Variants in DNAH2 observed in about 807,000 individuals in gnomAD.
The protein encoded by DNAH2 is dynein axonemal heavy chain 2, also known as axonemal beta dynein heavy chain 2.
Under a neutral mutation model 523.5 loss-of-function variants are expected in DNAH2, and 323 were observed. The ratio of observed to expected loss-of-function variants is 0.62; its 90% CI spans 0.56 to 0.68. The LOEUF is 0.68. Among genes scored for constraint, DNAH2 ranks in the 30% least tolerant of loss-of-function variants. DNAH2 has a pLI of 0.00. For missense variants in DNAH2, 4,907 were observed against 5,701.5 expected (o/e 0.86, Z 4.49); for synonymous variants, 2,093 against 2,177.4 (o/e 0.96, Z 1.08).
intron 69 of DNAH2, 82 bp from the exon 70 acceptor site, chr17:7,818,561 G>A (rs967412156): frequency 4.2e-5 from 68 of 1,602,120 alleles, no homozygotes; most frequent in Non-Finnish European, 5.2e-5. Context: ...TGAGGATGAG[G>A]GGTCTTTCAA....
intron 42 of DNAH2, chr17:7,787,363 CT>C: frequency 7.3e-6 from 3 of 411,024 alleles, no homozygotes; most frequent in Non-Finnish European, 1.3e-5. Context: ...CAAGCACACC[CT>C]TTTCCACCCA....
chr17:7,730,515 A>G (rs1318044023), intron 4 of DNAH2, among the ~76,000 whole-genome samples: 1 of 152,218 alleles, frequency 6.6e-6, no homozygotes, highest in East Asian at 1.9e-4. Context: ...ATTCCACAAA[A>G]TTTGTTGCAC....
intron 63 of DNAH2, among the ~76,000 whole-genome samples, chr17:7,814,478 C>T (rs899247512): frequency 6.6e-6 from 1 of 152,144 alleles, no homozygotes; most frequent in Non-Finnish European, 1.5e-5. Context: ...AAATTTAAAG[C>T]TCCAACGAGA....
At chr17:7,813,195 A>AT (rs2077567561) in intron 63 of DNAH2, among the ~76,000 whole-genome samples, 1 of 152,094 alleles carries the variant, frequency 6.6e-6, no homozygotes, top group Admixed American at 6.6e-5. Flanking sequence ...GGAACGAGAA[A>AT]TAGCAGTGTG....
rs766700490 is a variant in DNAH2, at chr17:7,798,285, G to A, written c.8359G>A (p.Glu2787Lys). 25 of 1,613,552 alleles carry A rather than the reference G, an allele frequency of 1.5e-5. No homozygotes were observed. The highest frequency in any genetic ancestry group is 1.9e-5 in the Non-Finnish European group (22 of 1,179,548). ...SICDYTTFQI[E>K]VTKHYRKQEF... ...CTGCGACTACACCACCTTCCAGATC[G>A]AGGTCACCAAACATTATCGGAAGCA... is the stretch of plus-strand genomic sequence containing the variant. The change falls in exon 54 of 86, where the codon GAG becomes AAG. Residue 2787 changes from glutamate (E) to lysine (K), a missense_variant. This residue lies in a region of DNAH2 where 1,851 missense variants were observed against 2,139.4 expected (regional missense o/e 0.87). Transcript: ENST00000572933. This position sits in a 1 kb window ranked among gnomAD's most constrained non-coding sequence, Gnocchi z 5.5.
In DNAH2 at chr17:7,783,369, G is replaced by A. The variant is rs544491851; in HGVS notation, c.6129+2202G>A. On this transcript the variant is annotated intron_variant, in intron 39 of 85. Coordinates refer to ENST00000572933, the MANE Select transcript of DNAH2 (RefSeq NM_020877.5). ...TGGAATTACAGGCATGAGCCACTGC[G>A]CCGGGCCAGGATGACTTTTTAAAGA... is the stretch of plus-strand genomic sequence containing the variant. Among the ~76,000 whole-genome samples the A allele has an allele frequency of 2.6e-3, 401 of 152,238 alleles. 8 individuals are homozygous for A. Among genetic ancestry groups the A allele is most frequent in the Non-Finnish European group, 3.7e-4 (25 of 68,026 alleles).
chr17:7,832,983 G>A lies in DNAH2; in HGVS notation c.12978+55G>A. The A allele has an allele frequency of 6.2e-7, 1 of 1,613,790 alleles. No individual in the cohort carries two copies. Among genetic ancestry groups the A allele is most frequent in the African/African-American group, 1.3e-5 (1 of 75,036 alleles). On this transcript the variant is annotated intron_variant, in intron 84 of 85. Coordinates refer to ENST00000572933, the MANE Select transcript of DNAH2 (RefSeq NM_020877.5). The surrounding 1 kb of genome is among the most constrained non-coding windows in gnomAD (Gnocchi z 4.3). ...GCAAAAGAGGGTACTGGAAATAATT[G>A]GACGAAAAGGGAGGAGAGAGGGAGC...
rs201119847 is a variant in DNAH2 at position 7,778,153 on chromosome 17, G to A, written c.5324G>A (p.Arg1775Gln). The change falls in exon 34 of 86, where the codon CGG becomes CAG. Residue 1775 changes from arginine (R) to glutamine (Q), a missense_variant. By Grantham distance (43) the Arg-to-Gln change is conservative. Coordinates refer to ENST00000572933, the MANE Select transcript of DNAH2 (RefSeq NM_020877.5). ...YNYEYLGNSG[R>Q]LVITPLTDRC... ...TATGAGTACTTGGGTAACTCGGGCC[G>A]GCTCGTCATCACCCCCCTGACGGAC... is the stretch of plus-strand genomic sequence containing the variant. The A allele has an allele frequency of 2.0e-5, 33 of 1,614,200 alleles. No individual in the cohort carries two copies. The highest frequency in any genetic ancestry group is 3.3e-5 in the South Asian group (3 of 91,076).
chr17:7,799,714 A>G (rs2077170201), intron 56 of DNAH2, among the ~76,000 whole-genome samples: 1 of 152,130 alleles, frequency 6.6e-6, no homozygotes, highest in Non-Finnish European at 1.5e-5. Context: ...GCTACTCAGG[A>G]GGATGAAGCA....
rs773312631 is a variant in DNAH2 at position 7,798,508 on chromosome 17, C to G, written c.8399-50C>G. ...TAAATCTCAGAAAAGGAATCAAGCC[C>G]AGGATGGGGAATCTGCAGTGAGTTT... On this transcript the variant is annotated intron_variant, in intron 54 of 85. Coordinates refer to ENST00000572933, the MANE Select transcript of DNAH2 (RefSeq NM_020877.5). This position sits in a 1 kb window ranked among gnomAD's most constrained non-coding sequence, Gnocchi z 5.5. The G allele has an allele frequency of 3.9e-5, 62 of 1,606,452 alleles. No individual in the cohort carries two copies. The highest frequency in any genetic ancestry group is 5.1e-5 in the Non-Finnish European group (60 of 1,176,406).
chr17:7,765,407 A>G lies in DNAH2; in HGVS notation c.3353A>G (p.Asp1118Gly). The G allele has an allele frequency of 6.2e-7, 1 of 1,613,672 alleles. No individual in the cohort carries two copies. Among genetic ancestry groups the G allele is most frequent in the Middle Eastern group, 1.7e-4 (1 of 6,058 alleles). The change falls in exon 21 of 86, where the codon GAC becomes GGC. Residue 1118 changes from aspartate (D) to glycine (G), a missense_variant. By Grantham distance (94) the Asp-to-Gly change is moderately conservative. Around this residue, in one of 3 missense-constraint regions of DNAH2, gnomAD observed 2,806 missense variants for 3,190.8 expected, o/e 0.88. Transcript: ENST00000572933. Reference protein sequence around the residue: ...PVEDSVLEMLDSLNGEWVVFQ... With the variant: ...PVEDSVLEMLGSLNGEWVVFQ... ...CTCCCCCAGGTCCTGGAGATGCTGG[A>G]CAGTCTCAACGGGGAGTGGGTTGTC...
intron 63 of DNAH2, among the ~76,000 whole-genome samples, chr17:7,814,549 C>T (rs887351311): frequency 6.6e-6 from 1 of 152,066 alleles, no homozygotes; most frequent in African/African-American, 2.4e-5. Context: ...AAGTAACAAC[C>T]AGCATAAATA....
rs543255458 is a variant in DNAH2, at chr17:7,777,454, C to G, written c.5067C>G (p.Ile1689Met). 2 of 1,614,126 alleles carry G rather than the reference C, an allele frequency of 1.2e-6. No homozygotes were observed. Among genetic ancestry groups the G allele is most frequent in the East Asian group, 2.2e-5 (1 of 44,882 alleles). ...GCTGCTTCATGCCACAGGTGTCAAT[C>G]CTGAATAAGTATTCAGAAGCCATCA... The part of the protein sequence containing the change: ...LKVMKKNQVS[I>M]LNKYSEAIRG... The change falls in exon 33 of 86, where the codon ATC becomes ATG. Residue 1689 changes from isoleucine to methionine, a missense_variant. Physicochemically the swap from Ile to Met is conservative, Grantham distance 10. Around this residue, in one of 3 missense-constraint regions of DNAH2, gnomAD observed 2,806 missense variants for 3,190.8 expected, o/e 0.88. Transcript: ENST00000572933.
chr17:7,794,168 C>A, intron 48 of DNAH2, 86 bp from the exon 49 acceptor site: 1 of 937,274 alleles, frequency 1.1e-6, no homozygotes, highest in South Asian at 1.8e-5. Context: ...CTGTTTTCCT[C>A]CCACTCCTTT....
At position 7,734,214 on chromosome 17, in the gene DNAH2, C is replaced by A. The variant is rs752692710; in HGVS notation, c.660C>A (p.Val220=). The A allele has an allele frequency of 8.2e-5, 132 of 1,603,558 alleles. No homozygotes were observed. The highest frequency in any genetic ancestry group is 1.1e-4 in the Non-Finnish European group (126 of 1,174,814). The change falls in exon 6 of 86, where the codon GTC becomes GTA. Residue 220 remains valine, a synonymous_variant. Transcript: ENST00000572933. The stretch of plus-strand genomic sequence containing the variant: ...GGTACAAACTGGAGGGGCACACGGT[C>A]CTCTACATCCCTGCAGAGGCCATGA... ...DTRYKLEGHT[V]LYIPAEAMNM... is the part of the protein sequence containing the mutation.
At chr17:7,739,105 G>A (rs1176855160) in intron 8 of DNAH2, 15 of 663,506 alleles carry the variant, frequency 2.3e-5, no homozygotes, top group Non-Finnish European at 3.9e-5. Context: ...ACGGGGCAGA[G>A]GCTAAATATT....
rs199801210 is a variant in DNAH2, at chr17:7,793,214, C to T, written c.7569+9C>T. 7.4e-6 allele frequency: 12 copies of T among 1,610,902 alleles called. No individual in the cohort carries two copies. The highest frequency in any genetic ancestry group is 2.2e-5 in the East Asian group (1 of 44,778). On this transcript the variant is annotated intron_variant, in intron 48 of 85. Coordinates refer to ENST00000572933, the MANE Select transcript of DNAH2 (RefSeq NM_020877.5). ...CCATCAAGTACATTCGAGTAAGCCTCGCTAGAGTCTGTTCTTCAGGCCTCT... is the reference window on the plus strand; with the variant it reads ...CCATCAAGTACATTCGAGTAAGCCTTGCTAGAGTCTGTTCTTCAGGCCTCT...
chr17:7,823,581 G>C lies in DNAH2; in HGVS notation c.11282G>C (p.Trp3761Ser). The change falls in exon 74 of 86, where the codon TGG becomes TCG. Residue 3761 changes from tryptophan to serine, a missense_variant. Trp to Ser is a radical substitution (Grantham distance 177, BLOSUM62 -3). Coordinates refer to ENST00000572933, the MANE Select transcript of DNAH2 (RefSeq NM_020877.5). Reference protein sequence around the residue: ...MNSFEQYPRDWHLWYTNAAPE... With the variant: ...MNSFEQYPRDSHLWYTNAAPE... ...TCCTTTGAGCAGTACCCTCGTGACTGGCACCTGTGGTATACCAATGCTGCC... is the reference window on the plus strand; with the variant it reads ...TCCTTTGAGCAGTACCCTCGTGACTCGCACCTGTGGTATACCAATGCTGCC... 6.2e-7 allele frequency: 1 copy of C among 1,614,124 alleles called. No individual in the cohort carries two copies. Among genetic ancestry groups the C allele is most frequent in the Non-Finnish European group, 8.5e-7 (1 of 1,180,022 alleles).
At chr17:7,803,409 G>A (rs1035858928) in intron 58 of DNAH2, among the ~76,000 whole-genome samples, 3 of 152,166 alleles carry the variant, frequency 2.0e-5, no homozygotes, top group African/African-American at 4.8e-5. Context: ...GGTGACTCAC[G>A]CCTGTAATCC....
Sources: gnomAD v4.1 joint callset for allele counts (sites outside exome capture counted in the v4.1 genomes callset) on GRCh38, gnomAD v4.1.1 for gene constraint, gnomAD v4.1.1 regional missense constraint, Gnocchi (gnomAD v3.1) non-coding constraint, MANE v1.5 for transcripts, NCBI Gene and HGNC (gene_info 2026-07-23, HGNC 2026-07-21) for gene names.